The following CSNK2A2IP variants were observed in gnomAD, a reference collection of about 807,000 sequenced individuals.
CSNK2A2IP encodes the protein casein kinase II subunit alpha'-interacting protein.
At chr3:88,444,637 T>C in the CSNK2A2IP span, among the ~76,000 whole-genome samples, 1 of 152,218 alleles carries the variant, frequency 6.6e-6, no homozygotes, top group South Asian at 2.1e-4. Flanking sequence ...TGTTAACTAG[T>C]TTAATGCATT....
chr3:88,345,748 TC>T, the CSNK2A2IP span, among the ~76,000 whole-genome samples: 9 of 147,844 alleles, frequency 6.1e-5, no homozygotes, highest in African/African-American at 2.2e-4. Context: ...ATCTCCCTAT[TC>T]CCCAAGACAG....
the CSNK2A2IP span, among the ~76,000 whole-genome samples, chr3:88,440,688 T>A: frequency 6.6e-6 from 1 of 152,190 alleles, no homozygotes; most frequent in South Asian, 2.1e-4. Context: ...CATGTAGAAA[T>A]TAAAGCTTTT....
chr3:88,386,425 C>T, the CSNK2A2IP span, among the ~76,000 whole-genome samples: 4 of 152,128 alleles, frequency 2.6e-5, no homozygotes, highest in South Asian at 2.1e-4. Flanking sequence ...CGTACCCAGC[C>T]GCAATACTCA....
At chr3:88,446,029 CTTTTCTTTCTTT>C in the CSNK2A2IP span, among the ~76,000 whole-genome samples, 3 of 33,266 alleles carry the variant, frequency 9.0e-5, no homozygotes, top group South Asian at 1.3e-3. Context: ...TTCTTTGTTT[CTTTTCTTTCTTT>C]CTTTCTTTCT....
the CSNK2A2IP span, among the ~76,000 whole-genome samples, chr3:88,361,729 A>G: frequency 0.011 from 1,712 of 151,958 alleles, 12 homozygotes; most frequent in Non-Finnish European, 0.017. Context: ...CTTTTACTTT[A>G]CCTCCTCTGT....
At chr3:88,439,403 G>GT in the CSNK2A2IP span, among the ~76,000 whole-genome samples, 16 of 151,874 alleles carry the variant, frequency 1.1e-4, no homozygotes, top group Non-Finnish European at 1.0e-4. Flanking sequence ...ACCTTTTTAG[G>GT]TTTTTTTATG....
the CSNK2A2IP span, among the ~76,000 whole-genome samples, chr3:88,373,462 A>T: frequency 1.3e-5 from 2 of 151,350 alleles, no homozygotes; most frequent in Non-Finnish European, 3.0e-5. Flanking sequence ...AAAATATCAA[A>T]TTTTTTGGGA....
At chr3:88,376,443 A>G in the CSNK2A2IP span, among the ~76,000 whole-genome samples, 1 of 151,650 alleles carries the variant, frequency 6.6e-6, no homozygotes, top group Non-Finnish European at 1.5e-5. Context: ...TTAACTTGCT[A>G]CAGATCTTCA....
chr3:88,342,625 A>C, the CSNK2A2IP span, among the ~76,000 whole-genome samples: 6 of 151,750 alleles, frequency 4.0e-5, no homozygotes, highest in Non-Finnish European at 8.8e-5. Context: ...AGCAATACTC[A>C]GAACTTTTTT....
chr3:88,423,549 T>C, the CSNK2A2IP span, among the ~76,000 whole-genome samples: 4 of 152,080 alleles, frequency 2.6e-5, no homozygotes, highest in Admixed American at 1.3e-4. Flanking sequence ...GAACAGGTCC[T>C]TGTAGCATGG....
At chr3:88,351,847 C>T in the CSNK2A2IP span, among the ~76,000 whole-genome samples, 92 of 152,148 alleles carry the variant, frequency 6.0e-4, 1 homozygote, top group African/African-American at 2.2e-3. Context: ...ATTGGTTTTT[C>T]ATCAAAGGAA....
chr3:88,408,915 A>T, the CSNK2A2IP span, among the ~76,000 whole-genome samples: 2 of 151,954 alleles, frequency 1.3e-5, no homozygotes, highest in Non-Finnish European at 2.9e-5. Context: ...GACTCCTTGA[A>T]ATTTAATCAA....
the CSNK2A2IP span, among the ~76,000 whole-genome samples, chr3:88,387,832 C>T: frequency 5.2e-3 from 797 of 152,206 alleles, 8 homozygotes; most frequent in African/African-American, 0.018. Context: ...CCCAAGGGAT[C>T]CTTCTGTCTC....
chr3:88,340,855 C>T, the CSNK2A2IP span, among the ~76,000 whole-genome samples: 1 of 151,894 alleles, frequency 6.6e-6, no homozygotes, highest in Non-Finnish European at 1.5e-5. Context: ...CTTTGTCTTA[C>T]TGAACTGCAT....
chr3:88,381,611 A>T, the CSNK2A2IP span, among the ~76,000 whole-genome samples: 1 of 152,336 alleles, frequency 6.6e-6, no homozygotes. Context: ...GTGGTTCTCA[A>T]GAGGGTGTAT....
chr3:88,414,933 G>A, the CSNK2A2IP span, among the ~76,000 whole-genome samples: 3 of 151,736 alleles, frequency 2.0e-5, no homozygotes, highest in East Asian at 1.9e-4. Flanking sequence ...TTTATTAAAA[G>A]CCATGTGCTC....
the CSNK2A2IP span, among the ~76,000 whole-genome samples, chr3:88,367,384 A>G: frequency 6.6e-6 from 1 of 152,080 alleles, no homozygotes; most frequent in African/African-American, 2.4e-5. Flanking sequence ...AGACAAGGAA[A>G]TTGGGGAAAG....
chr3:88,419,059 A>G, the CSNK2A2IP span, among the ~76,000 whole-genome samples: 5 of 152,226 alleles, frequency 3.3e-5, no homozygotes, highest in South Asian at 2.1e-4. Context: ...ACTGTCTCCC[A>G]TCACCCCCAG....
At chr3:88,412,663 C>A in the CSNK2A2IP span, among the ~76,000 whole-genome samples, 4 of 151,914 alleles carry the variant, frequency 2.6e-5, no homozygotes, top group Admixed American at 1.3e-4. Context: ...TAGGAGCTTT[C>A]ATTGTCAGGA....
Sources: allele counts gnomAD v4.1 joint callset (sites outside exome capture counted in the v4.1 genomes callset), GRCh38; gene constraint gnomAD v4.1.1; transcripts MANE v1.5; gene names NCBI Gene and HGNC (gene_info 2026-07-23, HGNC 2026-07-21).